ARHGAP15: variants seen among roughly 807,000 people sequenced by gnomAD.
ARHGAP15 encodes Rho GTPase activating protein 15.
A neutral mutation model predicts 63.7 loss-of-function variants in ARHGAP15; 51 were observed. The observed-to-expected ratio is 0.80, with a 90% CI of 0.64 to 1.01. The LOEUF (loss-of-function observed/expected upper bound fraction) is 1.01. Among genes scored for constraint, ARHGAP15 ranks in the 50% least tolerant of loss-of-function variants. The probability of loss-of-function intolerance (pLI) is 0.00; values close to 1 mark genes in which losing one functional copy is unlikely to be tolerated. For synonymous variants in ARHGAP15, 191 were observed against 193.8 expected, an observed-to-expected ratio of 0.99 and a Z score of 0.12; for missense variants, 560 against 564.6, an observed-to-expected ratio of 0.99 and a Z score of 0.08.
intron 8 of ARHGAP15, among the ~76,000 whole-genome samples, chr2:143,467,643 T>G (rs1326624040): frequency 1.3e-5 from 2 of 152,142 alleles, no homozygotes; most frequent in Non-Finnish European, 2.9e-5. Flanking sequence ...TATCTTTAGA[T>G]GACAACATAG....
intron 11 of ARHGAP15, among the ~76,000 whole-genome samples, chr2:143,558,826 A>G (rs1333315585): frequency 6.6e-6 from 1 of 152,114 alleles, no homozygotes; most frequent in Non-Finnish European, 1.5e-5. Context: ...TTAAATGTTG[A>G]TTGCAATACT....
In ARHGAP15 at chr2:143,726,141, G is replaced by A. The variant is rs138818285; in HGVS notation, c.1244+22617G>A. On this transcript the variant is annotated intron_variant, in intron 13 of 13. Transcript: ENST00000295095. ...CGCATTGTGGTCAAGTGCATGATTA[G>A]CACTGTGACAGGGTATTGGCCATTT... is the stretch of plus-strand genomic sequence containing the variant. 1.8e-3 allele frequency among the ~76,000 whole-genome samples: 281 copies of A among 152,318 alleles called. 1 individual carries two copies. The highest frequency in any genetic ancestry group is 6.3e-3 in the African/African-American group (262 of 41,562).
At chr2:143,684,876 TC>T (rs1191146667) in intron 12 of ARHGAP15, among the ~76,000 whole-genome samples, 2 of 152,054 alleles carry the variant, frequency 1.3e-5, no homozygotes, top group East Asian at 3.9e-4. Flanking sequence ...AATAACATCG[TC>T]CCCGCCATCT....
At chr2:143,323,802 AGAATGGTGT>A (rs1162667637) in intron 6 of ARHGAP15, among the ~76,000 whole-genome samples, 1 of 144,182 alleles carries the variant, frequency 6.9e-6, no homozygotes, top group Non-Finnish European at 1.5e-5. Flanking sequence ...CTGAGGCCAG[AGAATGGTGT>A]GAACCCGGGA....
Position 143,359,999 on chromosome 2 carries a change from G to A in ARHGAP15, c.475-75602G>A, listed in dbSNP as rs1044861822. 5.9e-5 allele frequency among the ~76,000 whole-genome samples: 9 copies of A among 152,102 alleles called. No individual in the cohort carries two copies. The South Asian group carries it at 1.0e-3, about 18-fold the overall frequency. On this transcript the variant is annotated intron_variant, in intron 6 of 13. Transcript: ENST00000295095. ...AGTTTCAAAAAGGCCTGGAAAGATTGAGTTAATGTGATTTTTGTTCTCAGG... is the reference window on the plus strand; with the variant it reads ...AGTTTCAAAAAGGCCTGGAAAGATTAAGTTAATGTGATTTTTGTTCTCAGG...
At chr2:143,460,230 T>C (rs1488147594) in intron 8 of ARHGAP15, among the ~76,000 whole-genome samples, 2 of 152,170 alleles carry the variant, frequency 1.3e-5, no homozygotes. Flanking sequence ...TTAGTGGAAA[T>C]ATATCTCACA....
At chr2:143,163,939 C>A (rs1690398873) in intron 2 of ARHGAP15, among the ~76,000 whole-genome samples, 1 of 152,046 alleles carries the variant, frequency 6.6e-6, no homozygotes, top group East Asian at 1.9e-4. Flanking sequence ...GTGCAGGAGA[C>A]CTCTTGCATG....
chr2:143,332,395 T>A (rs911334890), intron 6 of ARHGAP15, among the ~76,000 whole-genome samples: 2 of 152,146 alleles, frequency 1.3e-5, no homozygotes, highest in African/African-American at 4.8e-5. Context: ...AAATGCTTAA[T>A]AAGATCTTCA....
intron 8 of ARHGAP15, among the ~76,000 whole-genome samples, chr2:143,453,799 G>GAA (rs34233596): frequency 1.4e-5 from 2 of 140,386 alleles, no homozygotes; most frequent in Admixed American, 7.1e-5. Context: ...TATCCAATCG[G>GAA]AAAAAAAAAA....
At chr2:143,435,782 C>G (rs1463233860) in intron 7 of ARHGAP15, 83 bp downstream of exon 7, 1 of 1,353,082 alleles carries the variant, frequency 7.4e-7, no homozygotes, top group Admixed American at 2.4e-5. Flanking sequence ...AACACACACA[C>G]TCATTTAAAT....
At chr2:143,165,994 G>GAAAGAAAGAAAGAAAGAAAGAA (rs1482974356) in intron 2 of ARHGAP15, among the ~76,000 whole-genome samples, 1 of 129,830 alleles carries the variant, frequency 7.7e-6, no homozygotes, top group Non-Finnish European at 1.6e-5. Flanking sequence ...AAGAAAGAAA[G>GAAAGAAAGAAAGAAAGAAAGAA]AAAGAAAGAA....
chr2:143,335,798 A>G (rs1684747058), intron 6 of ARHGAP15, among the ~76,000 whole-genome samples: 1 of 152,092 alleles, frequency 6.6e-6, no homozygotes, highest in African/African-American at 2.4e-5. Flanking sequence ...CAGACTGGGA[A>G]AAGCCAATGT....
chr2:143,548,430 C>G (rs890984417), intron 10 of ARHGAP15, among the ~76,000 whole-genome samples: 4 of 151,620 alleles, frequency 2.6e-5, no homozygotes, highest in Non-Finnish European at 5.9e-5. Flanking sequence ...GAATTTGCCC[C>G]TAGCTCAGAC....
chr2:143,656,535 T>C (rs1018065470), intron 12 of ARHGAP15, among the ~76,000 whole-genome samples: 2 of 152,202 alleles, frequency 1.3e-5, no homozygotes, highest in African/African-American at 2.4e-5. Context: ...AGGCCCCTTG[T>C]TCCAAGATGA....
At chr2:143,389,829 C>T (rs1001491752) in intron 6 of ARHGAP15, among the ~76,000 whole-genome samples, 11 of 151,964 alleles carry the variant, frequency 7.2e-5, no homozygotes, top group African/African-American at 2.7e-4. Flanking sequence ...GGCTTCCTGC[C>T]GTTGTTGTTT....
chr2:143,602,958 G>T (rs78599706), intron 11 of ARHGAP15, among the ~76,000 whole-genome samples: 1 of 152,134 alleles, frequency 6.6e-6, no homozygotes, highest in Non-Finnish European at 1.5e-5. Context: ...CCAAATAGGC[G>T]TACTCTAATC....
chr2:143,228,841 G>T (rs551124247), intron 5 of ARHGAP15, among the ~76,000 whole-genome samples, 173 bp downstream of exon 5: 1 of 152,154 alleles, frequency 6.6e-6, no homozygotes, highest in East Asian at 1.9e-4. Context: ...AGAACTTAGT[G>T]TCTGTTTTAT....
chr2:143,408,027 A>ATATC (rs1304977403), intron 6 of ARHGAP15, among the ~76,000 whole-genome samples: 1 of 112,420 alleles, frequency 8.9e-6, no homozygotes, highest in Non-Finnish European at 1.8e-5. Context: ...ATATATATAT[A>ATATC]TATATCCTTT....
At chr2:143,238,849 A>G (rs1336332291) in intron 5 of ARHGAP15, among the ~76,000 whole-genome samples, 1 of 152,196 alleles carries the variant, frequency 6.6e-6, no homozygotes, top group Non-Finnish European at 1.5e-5. Context: ...TAGACCATGG[A>G]ATACTGTGCA....
Sources: allele counts gnomAD v4.1 joint callset (sites outside exome capture counted in the v4.1 genomes callset), GRCh38; gene constraint gnomAD v4.1.1; transcripts MANE v1.5; gene names NCBI Gene and HGNC (gene_info 2026-07-23, HGNC 2026-07-21).